SLC9A9: variants seen among roughly 807,000 people sequenced by gnomAD.
The protein encoded by SLC9A9 is sodium/hydrogen exchanger 9.
In SLC9A9, 62 loss-of-function variants were observed where a neutral mutation model predicts 77.8. That is an observed-to-expected ratio of 0.80 (90% CI 0.65 to 0.98). The LOEUF (loss-of-function observed/expected upper bound fraction) is 0.98. Among genes scored for constraint, SLC9A9 ranks in the 50% least tolerant of loss-of-function variants. The pLI is 0.00. For missense variants in SLC9A9, 775 were observed against 774.9 expected, an observed-to-expected ratio of 1.00 and a Z score of 0.00; for synonymous variants, 320 against 283.5, an observed-to-expected ratio of 1.13 and a Z score of -1.29.
chr3:143,800,440 A>C (rs894035644), intron 2 of SLC9A9, among the ~76,000 whole-genome samples: 4 of 152,212 alleles, frequency 2.6e-5, no homozygotes, highest in Non-Finnish European at 5.9e-5. Flanking sequence ...CTTATGAACC[A>C]AATTATTTTA....
intron 13 of SLC9A9, among the ~76,000 whole-genome samples, chr3:143,373,927 C>A (rs1209895370): frequency 6.6e-6 from 1 of 151,906 alleles, no homozygotes; most frequent in African/African-American, 2.4e-5. Flanking sequence ...GAATATTTCC[C>A]GAATTTGATG....
chr3:143,713,165 G>C (rs921538911), intron 4 of SLC9A9, among the ~76,000 whole-genome samples: 1 of 152,170 alleles, frequency 6.6e-6, no homozygotes, highest in East Asian at 1.9e-4. Flanking sequence ...GAAAAGAGAA[G>C]GCAGATTTTT....
intron 4 of SLC9A9, among the ~76,000 whole-genome samples, chr3:143,760,445 C>T (rs1319980348): frequency 6.6e-6 from 1 of 152,108 alleles, no homozygotes; most frequent in Admixed American, 6.5e-5. Flanking sequence ...AGCTAGAAAA[C>T]CCCATCGTCT....
chr3:143,321,334 T>C (rs1294363385), intron 14 of SLC9A9, among the ~76,000 whole-genome samples: 1 of 152,222 alleles, frequency 6.6e-6, no homozygotes, highest in Non-Finnish European at 1.5e-5. Flanking sequence ...TTTATCATAG[T>C]GGTAACAGAT....
chr3:143,413,381 A>C (rs923673478), intron 12 of SLC9A9, among the ~76,000 whole-genome samples: 2 of 152,114 alleles, frequency 1.3e-5, no homozygotes, highest in African/African-American at 2.4e-5. Context: ...GATGTTCAAG[A>C]GTTGGGGGTT....
At chr3:143,585,665 C>T (rs4024563) in intron 6 of SLC9A9, among the ~76,000 whole-genome samples, 13,447 of 152,198 alleles carry the variant, frequency 0.088, 690 homozygotes, top group Middle Eastern at 0.19. Flanking sequence ...GGGCTAACAT[C>T]GCCAATCTCC....
intron 14 of SLC9A9, among the ~76,000 whole-genome samples, chr3:143,313,807 G>A (rs1307803023): frequency 6.6e-6 from 1 of 152,214 alleles, no homozygotes; most frequent in African/African-American, 2.4e-5. Context: ...CCTGGTTGGG[G>A]TGACGGCTTT....
intron 9 of SLC9A9, among the ~76,000 whole-genome samples, chr3:143,506,501 G>C (rs2036020996): frequency 6.6e-6 from 1 of 152,126 alleles, no homozygotes; most frequent in South Asian, 2.1e-4. Flanking sequence ...ATATTGCTTG[G>C]CTCTAACAGC....
intron 9 of SLC9A9, chr3:143,517,039 T>C: frequency 2.4e-6 from 2 of 818,080 alleles, no homozygotes; most frequent in Non-Finnish European, 2.0e-6. Context: ...GTAATTGAAA[T>C]TCTTGTTTAA....
At chr3:143,840,472 C>T (rs1445285159) in intron 1 of SLC9A9, among the ~76,000 whole-genome samples, 2 of 152,174 alleles carry the variant, frequency 1.3e-5, no homozygotes, top group African/African-American at 2.4e-5. Context: ...GTACCTGTCC[C>T]ACCCATTGTT....
intron 2 of SLC9A9, among the ~76,000 whole-genome samples, chr3:143,818,980 G>A (rs948410470): frequency 6.6e-6 from 1 of 152,162 alleles, no homozygotes; most frequent in Non-Finnish European, 1.5e-5. Flanking sequence ...CTACTCAGGA[G>A]GCTGAGGTAG....
At chr3:143,740,895 C>G (rs185079978) in intron 4 of SLC9A9, among the ~76,000 whole-genome samples, 4 of 152,038 alleles carry the variant, frequency 2.6e-5, no homozygotes, top group African/African-American at 7.2e-5. Flanking sequence ...TGGAGTTAAA[C>G]AATTAAGTAA....
intron 6 of SLC9A9, among the ~76,000 whole-genome samples, chr3:143,607,663 G>A (rs1480010955): frequency 6.6e-6 from 1 of 151,920 alleles, no homozygotes; most frequent in African/African-American, 2.4e-5. Flanking sequence ...TCACTCCATA[G>A]TAATAGAACA....
At chr3:143,721,026 T>C (rs1934485477) in intron 4 of SLC9A9, among the ~76,000 whole-genome samples, 1 of 152,138 alleles carries the variant, frequency 6.6e-6, no homozygotes, top group Non-Finnish European at 1.5e-5. Context: ...CTAGGCAACA[T>C]AGTGAGACCT....
chr3:143,679,809 A>C (rs1377623520), intron 5 of SLC9A9, among the ~76,000 whole-genome samples: 2 of 152,250 alleles, frequency 1.3e-5, no homozygotes, highest in African/African-American at 4.8e-5. Context: ...AAACGGAAGT[A>C]TTAGAATAGA....
At chr3:143,792,005 C>T (rs2361198) in intron 4 of SLC9A9, among the ~76,000 whole-genome samples, 76,057 of 152,038 alleles carry the variant, frequency 0.5, 19,542 homozygotes, top group South Asian at 0.63. Context: ...TATTTGACTC[C>T]GGAGCCAAAC....
intron 14 of SLC9A9, among the ~76,000 whole-genome samples, chr3:143,346,661 T>C (rs1318544288): frequency 1.3e-5 from 2 of 151,792 alleles, no homozygotes; most frequent in Non-Finnish European, 2.9e-5. Flanking sequence ...GGCGTGGTGG[T>C]GGGCACCTGT....
At chr3:143,420,527 A>G (rs1318902719) in intron 12 of SLC9A9, among the ~76,000 whole-genome samples, 1 of 152,200 alleles carries the variant, frequency 6.6e-6, no homozygotes, top group Non-Finnish European at 1.5e-5. Flanking sequence ...GAAGATTATC[A>G]CTGGGCTGTA....
intron 4 of SLC9A9, among the ~76,000 whole-genome samples, chr3:143,729,625 C>T (rs757885889): frequency 5.3e-5 from 8 of 152,134 alleles, no homozygotes; most frequent in Admixed American, 1.3e-4. Context: ...TGGGATGGCA[C>T]AAAATACCTT....
Sources: gnomAD v4.1 joint callset for allele counts (sites outside exome capture counted in the v4.1 genomes callset) on GRCh38, gnomAD v4.1.1 for gene constraint, MANE v1.5 for transcripts, NCBI Gene and HGNC (gene_info 2026-07-23, HGNC 2026-07-21) for gene names.